PSD3: variants seen among roughly 807,000 people sequenced by gnomAD.
PSD3 encodes the protein PH and SEC7 domain-containing protein 3.
A neutral mutation model predicts 105.5 loss-of-function variants in PSD3; 49 were observed. The observed-to-expected ratio is 0.46, with a 90% CI of 0.37 to 0.59. PSD3 has a LOEUF of 0.59. PSD3 is among the 20% of genes least tolerant of loss of function. The probability of loss-of-function intolerance (pLI) is 0.00; values close to 1 mark genes in which losing one functional copy is unlikely to be tolerated. For synonymous variants in PSD3, 557 were observed against 457.8 expected (o/e 1.22, Z -2.77); for missense variants, 1,561 against 1,263.8 (o/e 1.24, Z -3.57).
intron 2 of PSD3, among the ~76,000 whole-genome samples, chr8:18,877,281 G>C (rs1011336851): frequency 1.1e-4 from 16 of 152,280 alleles, no homozygotes; most frequent in Admixed American, 9.1e-4. Flanking sequence ...TGTCTTCTAA[G>C]AGTTTTGCAG....
chr8:18,711,652 G>A (rs935301304), intron 9 of PSD3, among the ~76,000 whole-genome samples: 6 of 152,156 alleles, frequency 3.9e-5, no homozygotes, highest in Non-Finnish European at 2.9e-5. Flanking sequence ...GACCTACAAA[G>A]AGACTTAGAC....
At chr8:18,974,666 T>A (rs1824831133) in intron 1 of PSD3, among the ~76,000 whole-genome samples, 2 of 142,792 alleles carry the variant, frequency 1.4e-5, no homozygotes, top group African/African-American at 5.2e-5. Context: ...ATATAACACA[T>A]CAAGTCAAAA....
chr8:18,909,934 T>A (rs907259127), intron 2 of PSD3, among the ~76,000 whole-genome samples: 1 of 152,234 alleles, frequency 6.6e-6, no homozygotes, highest in Non-Finnish European at 1.5e-5. Context: ...TTAACTTTGG[T>A]TGCTGGAAGT....
intron 1 of PSD3, among the ~76,000 whole-genome samples, chr8:18,994,716 T>C (rs1825979829): frequency 6.6e-6 from 1 of 152,152 alleles, no homozygotes; most frequent in Admixed American, 6.5e-5. Context: ...TTTTTACTTT[T>C]TTTTAATGTG....
chr8:18,745,796 C>G (rs938014303), intron 9 of PSD3, among the ~76,000 whole-genome samples: 11 of 152,308 alleles, frequency 7.2e-5, no homozygotes, highest in African/African-American at 2.6e-4. Context: ...TCAATCCATA[C>G]ATTAAAAATT....
At chr8:18,898,984 A>C (rs1819326493) in intron 2 of PSD3, among the ~76,000 whole-genome samples, 1 of 152,190 alleles carries the variant, frequency 6.6e-6, no homozygotes, top group Non-Finnish European at 1.5e-5. Flanking sequence ...TCTATACAGT[A>C]CCAATCCTTC....
chr8:18,618,703 T>C (rs1805886060), intron 11 of PSD3, among the ~76,000 whole-genome samples: 1 of 152,094 alleles, frequency 6.6e-6, no homozygotes, highest in African/African-American at 2.4e-5. Flanking sequence ...AATGGGATAT[T>C]CTTTTCTTTT....
chr8:18,952,448 C>T (rs1823300603), intron 1 of PSD3, among the ~76,000 whole-genome samples: 1 of 152,272 alleles, frequency 6.6e-6, no homozygotes, highest in East Asian at 1.9e-4. Flanking sequence ...AGTCAGAGAT[C>T]ACCTATACAT....
intron 1 of PSD3, among the ~76,000 whole-genome samples, chr8:18,944,014 T>C (rs1020913493): frequency 2.0e-5 from 3 of 152,094 alleles, no homozygotes; most frequent in African/African-American, 4.8e-5. Context: ...CAGTGAAGCT[T>C]AGAGCTTCCA....
intron 1 of PSD3, among the ~76,000 whole-genome samples, chr8:18,940,990 T>G (rs1006153362): frequency 6.6e-6 from 1 of 152,202 alleles, no homozygotes; most frequent in Non-Finnish European, 1.5e-5. Flanking sequence ...TGTGAGCCCC[T>G]ATTGATACAT....
intron 9 of PSD3, among the ~76,000 whole-genome samples, chr8:18,741,668 G>A (rs1325272691): frequency 6.6e-6 from 1 of 152,058 alleles, no homozygotes; most frequent in Non-Finnish European, 1.5e-5. Flanking sequence ...ATCCAATCCT[G>A]TGCTAAGATT....
At chr8:18,776,327 CTA>C (rs1468233654) in intron 8 of PSD3, among the ~76,000 whole-genome samples, 2 of 145,040 alleles carry the variant, frequency 1.4e-5, no homozygotes, top group African/African-American at 5.0e-5. Flanking sequence ...TATATATAAA[CTA>C]TATAAATATA....
intron 10 of PSD3, among the ~76,000 whole-genome samples, chr8:18,647,823 G>A (rs1808162815): frequency 6.6e-6 from 1 of 152,136 alleles, no homozygotes; most frequent in Non-Finnish European, 1.5e-5. Context: ...GATAGTGAGT[G>A]AGTGAGTTAA....
At chr8:18,956,473 AG>A (rs1179925318) in intron 1 of PSD3, among the ~76,000 whole-genome samples, 1 of 152,200 alleles carries the variant, frequency 6.6e-6, no homozygotes, top group Non-Finnish European at 1.5e-5. Context: ...CTCTCTAAAA[AG>A]TTTCCAATGT....
intron 1 of PSD3, among the ~76,000 whole-genome samples, chr8:19,036,024 G>C (rs1827932807): frequency 6.6e-6 from 1 of 151,870 alleles, no homozygotes. Context: ...CAAAGTGCTG[G>C]GATTACAAGC....
At chr8:18,894,914 T>C (rs1165724844) in intron 2 of PSD3, among the ~76,000 whole-genome samples, 1 of 152,202 alleles carries the variant, frequency 6.6e-6, no homozygotes. Context: ...GAGTTTTGTA[T>C]GAAGTGTTAA....
intron 12 of PSD3, among the ~76,000 whole-genome samples, chr8:18,582,159 G>C (rs1802861782): frequency 6.6e-6 from 1 of 152,100 alleles, no homozygotes; most frequent in Non-Finnish European, 1.5e-5. Context: ...AAAGAGGAGT[G>C]GAGTGGATCA....
chr8:18,634,303 A>G (rs1393455514), intron 10 of PSD3, among the ~76,000 whole-genome samples: 1 of 152,092 alleles, frequency 6.6e-6, no homozygotes, highest in Admixed American at 6.6e-5. Context: ...TTGTGAGATA[A>G]GTGAAAACAA....
At chr8:18,783,585 C>T (rs1279246697) in intron 8 of PSD3, among the ~76,000 whole-genome samples, 1 of 152,108 alleles carries the variant, frequency 6.6e-6, no homozygotes, top group Non-Finnish European at 1.5e-5. Context: ...TGCAATTTGG[C>T]AATTCATCAG....
Sources: allele counts gnomAD v4.1 joint callset (sites outside exome capture counted in the v4.1 genomes callset), GRCh38; gene constraint gnomAD v4.1.1; transcripts MANE v1.5; gene names NCBI Gene and HGNC (gene_info 2026-07-23, HGNC 2026-07-21).